The following IFRD1 variants were observed in gnomAD, a reference collection of about 807,000 sequenced individuals.
IFRD1 encodes the protein interferon-related developmental regulator 1.
IFRD1 carries 35 observed loss-of-function variants against 52.9 expected under a neutral mutation model. That is an observed-to-expected ratio of 0.66 (90% confidence interval 0.51 to 0.88). IFRD1 has a LOEUF of 0.88. Among genes scored for constraint, IFRD1 ranks in the 40% least tolerant of loss-of-function variants. IFRD1 has a pLI of 0.00. For synonymous variants in IFRD1, 184 were observed against 188.4 expected (o/e 0.98, Z 0.19); for missense variants, 517 against 550.8 (o/e 0.94, Z 0.61).
At chr7:112,451,838 A>AT (rs1795173654) in intron 1 of IFRD1, among the ~76,000 whole-genome samples, 1 of 152,138 alleles carries the variant, frequency 6.6e-6, no homozygotes, top group Non-Finnish European at 1.5e-5. Context: ...GCCATCAGGT[A>AT]TTTTTGGACA....
Position 112,462,384 on chromosome 7 carries a change from T to C in IFRD1, c.906+6T>C. 3 of 1,577,592 alleles carry C rather than the reference T, an allele frequency of 1.9e-6. No homozygotes were observed. Among genetic ancestry groups the C allele is most frequent in the East Asian group, 4.5e-5 (2 of 44,692 alleles). On this transcript the variant is annotated splice_donor_region_variant and intron_variant, in intron 8 of 11. Transcript: ENST00000403825. The stretch of plus-strand genomic sequence containing the variant: ...TGGCCAGAGGAATAGAGAGTGTAAG[T>C]ATCTAACTGGCAGAGGAAAAAGCTT...
At chr7:112,462,724 G>T (rs1467290709) in intron 8 of IFRD1, among the ~76,000 whole-genome samples, 1 of 152,156 alleles carries the variant, frequency 6.6e-6, no homozygotes, top group East Asian at 1.9e-4. Flanking sequence ...GGCATGTGAT[G>T]CTTCATAATT....
intron 1 of IFRD1, chr7:112,437,179 T>C (rs192979180): frequency 1.9e-5 from 3 of 154,850 alleles, no homozygotes; most frequent in African/African-American, 4.8e-5. Flanking sequence ...TGAAACAGTG[T>C]GAATCTTATT....
intron 1 of IFRD1, chr7:112,452,272 C>T (rs1294509000): frequency 6.5e-6 from 2 of 306,750 alleles, no homozygotes; most frequent in Middle Eastern, 1.6e-3. Flanking sequence ...AAGCAGCTCT[C>T]CCTCCTCAGC....
chr7:112,431,343 A>C (rs1475992056), intron 1 of IFRD1, among the ~76,000 whole-genome samples: 1 of 152,256 alleles, frequency 6.6e-6, no homozygotes, highest in Non-Finnish European at 1.5e-5. Context: ...ATAATTCAGC[A>C]TAACAGTTCA....
At chr7:112,444,198 T>C (rs1794965069) in intron 1 of IFRD1, among the ~76,000 whole-genome samples, 1 of 152,246 alleles carries the variant, frequency 6.6e-6, no homozygotes, top group Non-Finnish European at 1.5e-5. Context: ...TTGATAATAC[T>C]GCAGCTTTGT....
intron 11 of IFRD1, among the ~76,000 whole-genome samples, chr7:112,474,220 A>G (rs189936573): frequency 5.5e-4 from 84 of 152,346 alleles, no homozygotes; most frequent in African/African-American, 1.9e-3. Flanking sequence ...TTCACATACA[A>G]AATTTTTTTT....
At chr7:112,472,047 C>T (rs1431312906) in intron 9 of IFRD1, among the ~76,000 whole-genome samples, 172 bp from the exon 10 acceptor site, 1 of 152,186 alleles carries the variant, frequency 6.6e-6, no homozygotes, top group Non-Finnish European at 1.5e-5. Flanking sequence ...ATTCTACACC[C>T]TTACATACAG....
At position 112,439,155 on chromosome 7, in the gene IFRD1, A is replaced by G. The variant is rs116741566; in HGVS notation, c.-181-11353A>G. On this transcript the variant is annotated intron_variant, in intron 1 of 12. Coordinates refer to the IFRD1 transcript ENST00000005558. ...AGAAGGAAGGAAATTCTCCAAATAC[A>G]GTTTTAACAGGGTGTCCTTGGACAG... 3.5e-3 allele frequency among the ~76,000 whole-genome samples: 535 copies of G among 152,338 alleles called. 4 individuals carry two copies. Among genetic ancestry groups the G allele is most frequent in the African/African-American group, 0.012 (515 of 41,558 alleles).
At position 112,450,688 on chromosome 7, in the gene IFRD1, G is replaced by C; in HGVS notation, c.-1G>C. On this transcript the variant is annotated 5_prime_UTR_variant, in exon 1 of 12. Transcript: ENST00000403825. Reference sequence around the variant, plus strand: ...CTCTGGGCGGCACCGGGCGTCCCACGATGCCGAAGAACAAGAAGCGGAACA... The same window carrying C: ...CTCTGGGCGGCACCGGGCGTCCCACCATGCCGAAGAACAAGAAGCGGAACA... The C allele has an allele frequency of 1.2e-6, 2 of 1,612,536 alleles. No individual in the cohort carries two copies. The highest frequency in any genetic ancestry group is 2.2e-5 in the South Asian group (2 of 91,066).
chr7:112,456,200 T>C, intron 3 of IFRD1, 114 bp downstream of exon 3: 1 of 741,960 alleles, frequency 1.3e-6, no homozygotes. Flanking sequence ...TGTATATAAT[T>C]TGTGCAGCTC....
intron 10 of IFRD1, among the ~76,000 whole-genome samples, chr7:112,472,554 A>T (rs1795777915): frequency 6.6e-6 from 1 of 152,112 alleles, no homozygotes; most frequent in Non-Finnish European, 1.5e-5. Context: ...GTGGACGGTT[A>T]CTGATGTCTG....
chr7:112,447,989 AT>A (rs1193096219), upstream of IFRD1, among the ~76,000 whole-genome samples: 1 of 152,134 alleles, frequency 6.6e-6, no homozygotes, highest in African/African-American at 2.4e-5. Flanking sequence ...ATCCAGAAAA[AT>A]CTAGTCAACA....
chr7:112,450,376 G>A (rs1795120719), upstream of IFRD1: 5 of 425,652 alleles, frequency 1.2e-5, no homozygotes, highest in South Asian at 1.1e-4. Context: ...TGCAGGGATT[G>A]GTTGGGAAGC....
At chr7:112,431,991 A>T (rs1352867911) in intron 1 of IFRD1, among the ~76,000 whole-genome samples, 1 of 152,194 alleles carries the variant, frequency 6.6e-6, no homozygotes, top group Non-Finnish European at 1.5e-5. Flanking sequence ...GCTGCCTTTA[A>T]TAGTGTTGTG....
intron 1 of IFRD1, among the ~76,000 whole-genome samples, chr7:112,428,526 T>TG (rs148692934): frequency 0.2 from 30,972 of 152,008 alleles, 3,250 homozygotes; most frequent in Middle Eastern, 0.3. Context: ...GGGCATGGCT[T>TG]GGTGACTGAA....
At chr7:112,464,436 C>G (rs1479698700) in intron 8 of IFRD1, among the ~76,000 whole-genome samples, 1 of 152,144 alleles carries the variant, frequency 6.6e-6, no homozygotes, top group Non-Finnish European at 1.5e-5. Context: ...ATAGTAGACT[C>G]TGGAGCTGTT....
At chr7:112,457,274 T>G (rs868243959) in intron 4 of IFRD1, 13 of 589,894 alleles carry the variant, frequency 2.2e-5, no homozygotes, top group African/African-American at 1.9e-4. Flanking sequence ...TAGATTGTCA[T>G]CAACCTTTTT....
In IFRD1 at chr7:112,453,407, A is replaced by T. The variant is rs988415440; in HGVS notation, c.95-2356A>T. ...AGTGTGGGTGGGTGAGTTTGACCTAAATATCAGGCATTCATACAGGGTTCT... is the reference window on the plus strand; with the variant it reads ...AGTGTGGGTGGGTGAGTTTGACCTATATATCAGGCATTCATACAGGGTTCT... On this transcript the variant is annotated intron_variant, in intron 1 of 11. Coordinates refer to ENST00000403825, the MANE Select transcript of IFRD1 (RefSeq NM_001550.4). 2.6e-5 allele frequency among the ~76,000 whole-genome samples: 4 copies of T among 152,130 alleles called. No individual in the cohort carries two copies. The East Asian group carries it at 7.7e-4, about 29-fold the overall frequency.
Sources: allele counts gnomAD v4.1 joint callset (sites outside exome capture counted in the v4.1 genomes callset), GRCh38; gene constraint gnomAD v4.1.1; transcripts MANE v1.5; gene names NCBI Gene and HGNC (gene_info 2026-07-23, HGNC 2026-07-21).